Variants in DDX10 observed in about 807,000 individuals in gnomAD.
The protein encoded by DDX10 is probable ATP-dependent RNA helicase DDX10.
Under a neutral mutation model 104.3 loss-of-function variants are expected in DDX10, and 74 were observed. That is an observed-to-expected ratio of 0.71 (90% CI 0.59 to 0.86). DDX10 has a LOEUF of 0.86. Among genes scored for constraint, DDX10 ranks in the 40% least tolerant of loss-of-function variants. The pLI, the probability that DDX10 is intolerant of heterozygous loss-of-function variation, is 0.00. For missense variants in DDX10, 952 were observed against 1,040.0 expected (o/e 0.92, Z 1.16); for synonymous variants, 351 against 353.4 (o/e 0.99, Z 0.08).
intron 13 of DDX10, among the ~76,000 whole-genome samples, chr11:108,770,707 T>C (rs1490272539): frequency 6.6e-6 from 1 of 152,172 alleles, no homozygotes; most frequent in Non-Finnish European, 1.5e-5. Flanking sequence ...CTCATTCTTT[T>C]TTATGGTTCA....
Position 108,841,423 on chromosome 11 carries a change from G to C in DDX10, c.2194G>C (p.Glu732Gln). Residue 732 changes from glutamate to glutamine, a missense_variant, in exon 15 of 18, where the codon GAG (glutamate) becomes CAG (glutamine). Glu to Gln is a conservative substitution (Grantham distance 29, BLOSUM62 2). This residue lies in a region of DDX10 where 533 missense variants were observed against 534.1 expected (regional missense o/e 1.00). Transcript: ENST00000322536. ...LHKAKERLQE[E>Q]DKFDKEEYRK... ...TAAAGCAAAGGAAAGACTTCAGGAA[G>C]AGGACAAATTTGACAAAGAAGAATA... 3 of 1,613,940 alleles carry C rather than the reference G, an allele frequency of 1.9e-6. No individual in the cohort carries two copies. Among genetic ancestry groups the C allele is most frequent in the Non-Finnish European group, 2.5e-6 (3 of 1,179,896 alleles).
At chr11:108,870,355 C>T (rs1330758694) in intron 16 of DDX10, among the ~76,000 whole-genome samples, 3 of 152,082 alleles carry the variant, frequency 2.0e-5, no homozygotes, top group Non-Finnish European at 2.9e-5. Context: ...AAAAGTAAGT[C>T]GCATATTATA....
At position 108,798,860 on chromosome 11, in the gene DDX10, T is replaced by G. The variant is rs148980848; in HGVS notation, c.1966-39586T>G. On this transcript the variant is annotated intron_variant, in intron 13 of 17. Coordinates refer to ENST00000322536, the MANE Select transcript of DDX10 (RefSeq NM_004398.4). ...TTTTTTTCCTTTACAGTCTTTGTGG[T>G]ATCTATCTTTTCATTGAAAGCCTGT... 8.9e-4 allele frequency among the ~76,000 whole-genome samples: 135 copies of G among 152,230 alleles called. 1 individual carries two copies. Among genetic ancestry groups the G allele is most frequent in the African/African-American group, 3.2e-3 (132 of 41,542 alleles).
At chr11:108,745,192 C>G (rs2094330297) in intron 13 of DDX10, among the ~76,000 whole-genome samples, 1 of 140,278 alleles carries the variant, frequency 7.1e-6, no homozygotes, top group African/African-American at 2.7e-5. Flanking sequence ...CCCTCCCCTT[C>G]CTTCCCTTTC....
Position 108,679,388 on chromosome 11 carries a change from A to T in DDX10, c.676A>T (p.Arg226Ter). The change falls in exon 6 of 18, where the codon AGA becomes TGA. Residue 226 changes from arginine (R) to a stop codon, truncating the protein, a stop_gained. Transcript: ENST00000322536. LOFTEE classifies it high-confidence loss of function. ...LQMLVLDEAD[R>*]ILDMGFADTM... ...TTTTTCAGTTCTTGATGAAGCAGATAGAATCTTGGATATGGGCTTTGCTGA... is the reference window on the plus strand; with the variant it reads ...TTTTTCAGTTCTTGATGAAGCAGATTGAATCTTGGATATGGGCTTTGCTGA... 2 of 1,597,364 alleles carry T rather than the reference A, an allele frequency of 1.3e-6. No homozygotes were observed. Among genetic ancestry groups the T allele is most frequent in the Non-Finnish European group, 1.7e-6 (2 of 1,176,146 alleles).
intron 16 of DDX10, among the ~76,000 whole-genome samples, chr11:108,893,567 A>G (rs1332015375): frequency 6.6e-6 from 1 of 151,946 alleles, no homozygotes; most frequent in Non-Finnish European, 1.5e-5. Flanking sequence ...TCCTTATAGC[A>G]GTTTATTTTC....
At chr11:108,787,356 TTC>T (rs1227962219) in intron 13 of DDX10, among the ~76,000 whole-genome samples, 4 of 151,904 alleles carry the variant, frequency 2.6e-5, no homozygotes, top group African/African-American at 9.7e-5. Context: ...CTCGCGTGGG[TTC>T]TCTGTTTTTT....
chr11:108,919,727 C>G (rs553128366), intron 17 of DDX10: 1 of 152,196 alleles, frequency 6.6e-6, no homozygotes, highest in Non-Finnish European at 1.5e-5. Flanking sequence ...TGTCAGCAGT[C>G]CTTCTGCATT....
intron 12 of DDX10, among the ~76,000 whole-genome samples, chr11:108,722,768 G>A (rs780260353): frequency 7.2e-5 from 11 of 152,124 alleles, no homozygotes; most frequent in Non-Finnish European, 1.5e-4. Flanking sequence ...CTTATTCCAT[G>A]TTACCCTCTT....
At chr11:108,787,705 G>T (rs1861814542) in intron 13 of DDX10, among the ~76,000 whole-genome samples, 1 of 152,004 alleles carries the variant, frequency 6.6e-6, no homozygotes, top group East Asian at 1.9e-4. Flanking sequence ...GGCTGAGGTG[G>T]GCGGATCACC....
At chr11:108,849,360 A>G (rs1332944325) in intron 15 of DDX10, among the ~76,000 whole-genome samples, 5 of 152,132 alleles carry the variant, frequency 3.3e-5, no homozygotes, top group African/African-American at 1.2e-4. Flanking sequence ...GCAAAGGAAT[A>G]TACTTTCATA....
chr11:108,686,650 G>C (rs911588329), intron 6 of DDX10, among the ~76,000 whole-genome samples: 1 of 152,130 alleles, frequency 6.6e-6, no homozygotes, highest in Non-Finnish European at 1.5e-5. Flanking sequence ...CTTACTGAAG[G>C]ACATCTTGAT....
At chr11:108,881,499 A>G (rs1457566976) in intron 16 of DDX10, among the ~76,000 whole-genome samples, 1 of 152,186 alleles carries the variant, frequency 6.6e-6, no homozygotes, top group Non-Finnish European at 1.5e-5. Context: ...CAACTTAAAG[A>G]TGGTTTGACT....
intron 13 of DDX10, among the ~76,000 whole-genome samples, chr11:108,811,229 T>A (rs1862176014): frequency 6.6e-6 from 1 of 152,206 alleles, no homozygotes; most frequent in African/African-American, 2.4e-5. Context: ...ATCATCACCT[T>A]ATGGAGATAA....
intron 16 of DDX10, among the ~76,000 whole-genome samples, chr11:108,861,393 C>T (rs1862939487): frequency 6.6e-6 from 1 of 152,090 alleles, no homozygotes; most frequent in Non-Finnish European, 1.5e-5. Flanking sequence ...CACTAAGTAT[C>T]ACTGTCAGAG....
chr11:108,909,394 TCCCGCC>T (rs2134655876), intron 16 of DDX10, among the ~76,000 whole-genome samples: 1 of 18,562 alleles, frequency 5.4e-5, no homozygotes, highest in Non-Finnish European at 1.0e-4. Context: ...TGTGCCCCAC[TCCCGCC>T]CCTTCCCTTG....
chr11:108,875,699 A>G (rs2134627453), intron 16 of DDX10, among the ~76,000 whole-genome samples: 1 of 152,300 alleles, frequency 6.6e-6, no homozygotes, highest in Middle Eastern at 3.4e-3. Flanking sequence ...ATCTAATATA[A>G]TAACTAAGGT....
At chr11:108,891,066 G>A (rs992621525) in intron 16 of DDX10, among the ~76,000 whole-genome samples, 6 of 151,986 alleles carry the variant, frequency 3.9e-5, no homozygotes, top group East Asian at 1.9e-4. Flanking sequence ...TCAAATCCAC[G>A]TCCTGCCTCT....
chr11:108,880,861 G>A (rs192855669), intron 16 of DDX10, among the ~76,000 whole-genome samples: 95 of 152,238 alleles, frequency 6.2e-4, no homozygotes, highest in African/African-American at 2.3e-3. Flanking sequence ...GCTTTCTTCT[G>A]TGCTATTTTG....
Sources: gnomAD v4.1 joint callset for allele counts (sites outside exome capture counted in the v4.1 genomes callset) on GRCh38, gnomAD v4.1.1 for gene constraint, gnomAD v4.1.1 regional missense constraint, MANE v1.5 for transcripts, NCBI Gene and HGNC (gene_info 2026-07-23, HGNC 2026-07-21) for gene names.